STARD13: variants seen among roughly 807,000 people sequenced by gnomAD.
The protein encoded by STARD13 is StAR related lipid transfer domain containing 13, also known as stAR-related lipid transfer protein 13.
STARD13 carries 62 observed loss-of-function variants against 106.4 expected under a neutral mutation model. The observed-to-expected ratio is 0.58, with a 90% CI of 0.48 to 0.72. STARD13 has a LOEUF of 0.72. Among genes scored for constraint, STARD13 ranks in the 30% least tolerant of loss-of-function variants. The pLI is 0.00. For synonymous variants in STARD13, 565 were observed against 553.0 expected, an observed-to-expected ratio of 1.02 and a Z score of -0.31; for missense variants, 1,387 against 1,424.0, an observed-to-expected ratio of 0.97 and a Z score of 0.42.
the STARD13 span, among the ~76,000 whole-genome samples, chr13:33,595,369 G>A: frequency 6.6e-6 from 1 of 152,096 alleles, no homozygotes; most frequent in African/African-American, 2.4e-5. Flanking sequence ...ATGTCAGCTA[G>A]AGCAATCCAC....
chr13:33,353,089 T>C (rs1200455859), upstream of STARD13, among the ~76,000 whole-genome samples: 1 of 152,130 alleles, frequency 6.6e-6, no homozygotes, highest in Non-Finnish European at 1.5e-5. Flanking sequence ...GGTACTTTGC[T>C]ACATTGGTTA....
chr13:33,625,710 C>T, the STARD13 span, among the ~76,000 whole-genome samples: 24 of 118,110 alleles, frequency 2.0e-4, no homozygotes, highest in African/African-American at 1.4e-3. Context: ...TAATGGTACC[C>T]TTTTTTTTTT....
chr13:33,565,554 C>G, the STARD13 span, among the ~76,000 whole-genome samples: 5 of 147,638 alleles, frequency 3.4e-5, 1 homozygote, highest in East Asian at 1.0e-3. Flanking sequence ...ACTGGTAAAC[C>G]TGAAGGAAAG....
chr13:33,652,322 C>T, the STARD13 span, among the ~76,000 whole-genome samples: 66 of 152,302 alleles, frequency 4.3e-4, no homozygotes, highest in African/African-American at 1.2e-3. Context: ...TTTAACTTAA[C>T]ACTAAGTTTA....
At chr13:33,141,389 G>A (rs80051036) in intron 4 of STARD13, among the ~76,000 whole-genome samples, 1 of 152,204 alleles carries the variant, frequency 6.6e-6, no homozygotes. Flanking sequence ...GAGATAATGT[G>A]TGGTAAGTAC....
the STARD13 span, among the ~76,000 whole-genome samples, chr13:33,358,286 G>A: frequency 3.3e-5 from 5 of 152,192 alleles, no homozygotes; most frequent in Non-Finnish European, 7.4e-5. Context: ...CTCCTGTGCA[G>A]CCCGAGCCTC....
rs534837699 is a variant in STARD13, at chr13:33,299,877, GA to G, written c.124+50412del. On this transcript the variant is annotated intron_variant, in intron 1 of 5. Coordinates refer to the STARD13 transcript ENST00000567873. ...ATTTAACCAATGAACACAGTAACTTGAAAGTTATTAACCTGTGATGGATGGG... is the reference window on the plus strand; with the variant it reads ...ATTTAACCAATGAACACAGTAACTTGAAGTTATTAACCTGTGATGGATGGG... Among the ~76,000 whole-genome samples, 32 of 152,326 alleles carry G rather than the reference GA, an allele frequency of 2.1e-4. 2 individuals are homozygous for G. In the East Asian group the frequency reaches 6.0e-3, roughly 28 times the overall value.
the STARD13 span, among the ~76,000 whole-genome samples, chr13:33,595,369 G>C: frequency 3.3e-5 from 5 of 152,096 alleles, no homozygotes; most frequent in Admixed American, 6.5e-5. Context: ...ATGTCAGCTA[G>C]AGCAATCCAC....
chr13:33,643,198 C>CAG, the STARD13 span, among the ~76,000 whole-genome samples: 1 of 148,836 alleles, frequency 6.7e-6, no homozygotes, highest in Non-Finnish European at 1.5e-5. Context: ...CACACACACA[C>CAG]ACACAGATAG....
chr13:33,413,186 C>A, the STARD13 span, among the ~76,000 whole-genome samples: 2 of 151,934 alleles, frequency 1.3e-5, no homozygotes, highest in African/African-American at 4.8e-5. Context: ...AAGGGGAAGG[C>A]TCAGGAAAAG....
At chr13:33,189,434 CGGA>C (rs1435378518) in intron 1 of STARD13, among the ~76,000 whole-genome samples, 1,300 of 19,352 alleles carry the variant, frequency 0.067, 60 homozygotes, top group African/African-American at 0.14. Context: ...TTCCTCCTTT[CGGA>C]GGAAGGAGGG....
At chr13:33,303,376 G>GA (rs1892791794) in intron 1 of STARD13, among the ~76,000 whole-genome samples, 1 of 152,186 alleles carries the variant, frequency 6.6e-6, no homozygotes. Context: ...GGACACCAGT[G>GA]AGACTATGAT....
chr13:33,251,424 G>T (rs1305919643), intron 1 of STARD13, among the ~76,000 whole-genome samples: 5 of 152,164 alleles, frequency 3.3e-5, no homozygotes, highest in Non-Finnish European at 5.9e-5. Flanking sequence ...AAAACAGTCT[G>T]CCAGGTTAGG....
At chr13:33,246,034 G>A (rs1215347908) in intron 1 of STARD13, among the ~76,000 whole-genome samples, 1 of 152,140 alleles carries the variant, frequency 6.6e-6, no homozygotes, top group African/African-American at 2.4e-5. Flanking sequence ...AAGGGTGCAG[G>A]AAGGGATGGG....
chr13:33,609,485 C>T, the STARD13 span, among the ~76,000 whole-genome samples: 25 of 152,162 alleles, frequency 1.6e-4, no homozygotes, highest in South Asian at 5.2e-3. Context: ...ATTAACATAG[C>T]CCTCTTGGAG....
At chr13:33,523,165 G>C in the STARD13 span, among the ~76,000 whole-genome samples, 2 of 152,174 alleles carry the variant, frequency 1.3e-5, no homozygotes, top group East Asian at 3.9e-4. Context: ...GGAAGTCCCA[G>C]GAGGAGGTTA....
At chr13:33,258,508 T>A (rs1890481802) in intron 1 of STARD13, among the ~76,000 whole-genome samples, 1 of 151,554 alleles carries the variant, frequency 6.6e-6, no homozygotes, top group Non-Finnish European at 1.5e-5. Context: ...GCCTTTTCAG[T>A]GTGTATTGTT....
At position 33,167,029 on chromosome 13, in the gene STARD13, T is replaced by A. The variant is rs1443982317; in HGVS notation, c.241+522A>T. Among the ~76,000 whole-genome samples, 19 of 148,044 alleles carry A rather than the reference T, an allele frequency of 1.3e-4. No individual in the cohort carries two copies. The East Asian group carries it at 3.4e-3, about 26-fold the overall frequency. Reference sequence around the variant, plus strand: ...AAAAAAAAAACCAAAAAAAAATCAATGAAAGGAAGTGTAATGCTAGCAATA... The same window carrying A: ...AAAAAAAAAACCAAAAAAAAATCAAAGAAAGGAAGTGTAATGCTAGCAATA... On this transcript the variant is annotated intron_variant, in intron 2 of 13. Coordinates refer to ENST00000336934, the MANE Select transcript of STARD13 (RefSeq NM_178006.4).
At chr13:33,382,657 C>A in the STARD13 span, among the ~76,000 whole-genome samples, 7 of 152,106 alleles carry the variant, frequency 4.6e-5, no homozygotes, top group Admixed American at 1.3e-4. Context: ...AATTGTGACT[C>A]TACATATATT....
Sources: allele counts gnomAD v4.1 joint callset (sites outside exome capture counted in the v4.1 genomes callset), GRCh38; gene constraint gnomAD v4.1.1; transcripts MANE v1.5; gene names NCBI Gene and HGNC (gene_info 2026-07-23, HGNC 2026-07-21).